The following PMPCB variants were observed in gnomAD, a reference collection of about 807,000 sequenced individuals.
PMPCB encodes mitochondrial-processing peptidase subunit beta.
Under a neutral mutation model 61.5 loss-of-function variants are expected in PMPCB, and 46 were observed. The observed-to-expected ratio is 0.75, with a 90% CI of 0.59 to 0.96. The LOEUF is 0.96. Among genes scored for constraint, PMPCB ranks in the 40% least tolerant of loss-of-function variants. The pLI, the probability that PMPCB is intolerant of heterozygous loss-of-function variation, is 0.00. For synonymous variants in PMPCB, 191 were observed against 201.6 expected, an observed-to-expected ratio of 0.95 and a Z score of 0.44; for missense variants, 590 against 602.4, an observed-to-expected ratio of 0.98 and a Z score of 0.22.
downstream of PMPCB, chr7:103,319,476 CAACAA>C: frequency 1.1e-6 from 1 of 943,568 alleles, no homozygotes; most frequent in Admixed American, 2.6e-5. Flanking sequence ...AAAACAACAA[CAACAA>C]AACAGTGGGA....
Position 103,309,007 on chromosome 7 carries a change from C to G in PMPCB, c.905C>G (p.Ala302Gly), listed in dbSNP as rs1178544928. Residue 302 changes from alanine (A) to glycine (G), a missense_variant, in exon 8 of 13, where the codon GCT becomes GGT. By Grantham distance (60) the Ala-to-Gly change is moderately conservative. Transcript: ENST00000249269. Reference protein sequence around the residue: ...PLAHLAIAVEAVGWAHPDTIC... With the variant: ...PLAHLAIAVEGVGWAHPDTIC... ...GCGCACCTTGCAATAGCTGTTGAAG[C>G]TGTTGGTTGGGCACATCCAGATACA... 4 of 1,605,994 alleles carry G rather than the reference C, an allele frequency of 2.5e-6. No individual in the cohort carries two copies. Among genetic ancestry groups the G allele is most frequent in the Non-Finnish European group, 3.4e-6 (4 of 1,175,686 alleles).
chr7:103,329,088 A>G (rs1161051021), exon 13 of PMPCB: 2 of 893,078 alleles, frequency 2.2e-6, no homozygotes, highest in Non-Finnish European at 3.0e-6. Context: ...GGTGGTCAAC[A>G]ATTTTTTTGT....
At chr7:103,320,798 C>G in intron 12 of PMPCB, 1 of 156,728 alleles carries the variant, frequency 6.4e-6, no homozygotes, top group South Asian at 1.3e-4. Context: ...GAAACTGTGT[C>G]TATATTCATA....
chr7:103,309,028 A>C lies in PMPCB; in HGVS notation c.926A>C (p.Asp309Ala). ...AVEAVGWAHP[D>A]TICLMVANTL... is the part of the protein sequence containing the mutation. The stretch of plus-strand genomic sequence containing the variant: ...GAAGCTGTTGGTTGGGCACATCCAG[A>C]TACAATCTGTCTCATGGTTGCAAAC... The change falls in exon 8 of 13, where the codon GAT (aspartate) becomes GCT (alanine). Residue 309 changes from aspartate to alanine, a missense_variant. Transcript: ENST00000249269. 6.2e-7 allele frequency: 1 copy of C among 1,609,622 alleles called. No homozygotes were observed. Among genetic ancestry groups the C allele is most frequent in the Non-Finnish European group, 8.5e-7 (1 of 1,177,612 alleles).
the PMPCB span, chr7:103,341,845 C>T: frequency 1.9e-6 from 3 of 1,612,854 alleles, no homozygotes; most frequent in South Asian, 1.1e-5. Flanking sequence ...CCTCGGATAA[C>T]TCTTTCTTAT....
chr7:103,308,347 TGC>T (rs1160697175), intron 7 of PMPCB, among the ~76,000 whole-genome samples: 1 of 152,104 alleles, frequency 6.6e-6, no homozygotes, highest in Non-Finnish European at 1.5e-5. Context: ...TGAGGCCGGG[TGC>T]GGTGGCTTAC....
chr7:103,298,471 C>T, intron 1 of PMPCB, 97 bp from the exon 2 acceptor site: 1 of 1,183,446 alleles, frequency 8.4e-7, no homozygotes, highest in Non-Finnish European at 1.2e-6. Context: ...TTTATAGAGA[C>T]AGCCTATTTA....
intron 6 of PMPCB, among the ~76,000 whole-genome samples, chr7:103,305,550 C>T (rs1227234477): frequency 6.6e-6 from 1 of 152,178 alleles, no homozygotes; most frequent in Non-Finnish European, 1.5e-5. Flanking sequence ...TGACCCACCG[C>T]ACCTGGTCTC....
chr7:103,327,450 GTGTTGCTGA>G, intron 12 of PMPCB: 1 of 758,464 alleles, frequency 1.3e-6, no homozygotes, highest in Admixed American at 2.4e-5. Flanking sequence ...AAGCTGCCAG[GTGTTGCTGA>G]TGCTGCTGGC....
chr7:103,305,066 G>A (rs1817541688), intron 6 of PMPCB, among the ~76,000 whole-genome samples: 1 of 152,244 alleles, frequency 6.6e-6, no homozygotes, highest in Non-Finnish European at 1.5e-5. Flanking sequence ...AGTGAACTGG[G>A]AGAGAGTCGG....
chr7:103,330,431 G>A (rs1043646637), downstream of PMPCB, among the ~76,000 whole-genome samples: 1 of 151,850 alleles, frequency 6.6e-6, no homozygotes, highest in African/African-American at 2.4e-5. Context: ...GGGATTACAG[G>A]TGCTCTCCAC....
Position 103,308,935 on chromosome 7 carries a change from T to G in PMPCB, c.850-17T>G, listed in dbSNP as rs770385804. On this transcript the variant is annotated splice_polypyrimidine_tract_variant and intron_variant, in intron 7 of 12. Transcript: ENST00000249269. ...TGTTAATCTTAACTAGAGGTCCTCC[T>G]GCTTTATCTTAACTAGATTCGTGTG... 1.2e-5 allele frequency: 19 copies of G among 1,539,606 alleles called. No homozygotes were observed. Among genetic ancestry groups the G allele is most frequent in the Middle Eastern group, 1.7e-4 (1 of 5,766 alleles).
chr7:103,329,530 C>A (rs950008836), downstream of PMPCB: 5 of 152,152 alleles, frequency 3.3e-5, no homozygotes, highest in African/African-American at 9.7e-5. Flanking sequence ...CTAGTACTTA[C>A]AATAGTTCTA....
intron 8 of PMPCB, among the ~76,000 whole-genome samples, chr7:103,309,506 A>G (rs1817679437): frequency 6.6e-6 from 1 of 152,192 alleles, no homozygotes. Flanking sequence ...CCTAAACAAT[A>G]TAGTATAACA....
downstream of PMPCB, among the ~76,000 whole-genome samples, chr7:103,331,641 A>G (rs532057282): frequency 2.6e-4 from 40 of 152,166 alleles, no homozygotes; most frequent in African/African-American, 8.9e-4. Flanking sequence ...AGCTTATTTC[A>G]CTCAACATAA....
chr7:103,322,370 A>C (rs897360669), intron 12 of PMPCB: 4 of 926,978 alleles, frequency 4.3e-6, no homozygotes, highest in Non-Finnish European at 6.2e-6. Context: ...AATTATACCA[A>C]CTGGTCATGA....
At chr7:103,317,107 C>T (rs576186404), downstream of PMPCB, 2 of 1,098,788 alleles carry the variant, frequency 1.8e-6, no homozygotes, top group African/African-American at 1.6e-5. Context: ...CCTCAACTCT[C>T]AATGTCATTC....
Position 103,314,015 on chromosome 7 carries a change from T to TAAAG in PMPCB, c.*1747_*1750dup. On this transcript the variant is annotated 3_prime_UTR_variant, in exon 13 of 13. Coordinates refer to ENST00000249269, the MANE Select transcript of PMPCB (RefSeq NM_004279.3). Reference sequence around the variant, plus strand: ...CTAGAAACCAAAGTTCCTTCCCAATTAAAGAAGGAAAAACAAAACAAAACA... The same window carrying TAAAG: ...CTAGAAACCAAAGTTCCTTCCCAATTAAAGAAAGAAGGAAAAACAAAACAAAACA... 1.0e-6 allele frequency: 1 copy of TAAAG among 985,290 alleles called. No homozygotes were observed. The highest frequency in any genetic ancestry group is 1.2e-6 in the Non-Finnish European group (1 of 829,888). The allele number at this position is 985,290 out of a possible 1,614,324, so 61.0% of individuals were successfully genotyped here.
At chr7:103,320,851 G>A in intron 12 of PMPCB, 1 of 29,540 alleles carries the variant, frequency 3.4e-5, no homozygotes, top group Non-Finnish European at 7.4e-5. Flanking sequence ...TTTTTTTTTT[G>A]AGATGGAGAC....
Sources: gnomAD v4.1 joint callset for allele counts (sites outside exome capture counted in the v4.1 genomes callset) on GRCh38, gnomAD v4.1.1 for gene constraint, MANE v1.5 for transcripts, NCBI Gene and HGNC (gene_info 2026-07-23, HGNC 2026-07-21) for gene names.